Variants in FRK observed in about 807,000 individuals in gnomAD.
FRK encodes fyn related Src family tyrosine kinase, also known as tyrosine-protein kinase FRK.
A neutral mutation model predicts 56.4 loss-of-function variants in FRK; 51 were observed. That is an observed-to-expected ratio of 0.90 (90% CI 0.72 to 1.14). The LOEUF (loss-of-function observed/expected upper bound fraction) is 1.14. Among genes scored for constraint, FRK ranks in the 50% most tolerant of loss-of-function variants. The pLI is 0.00. For synonymous variants in FRK, 245 were observed against 217.9 expected, an observed-to-expected ratio of 1.12 and a Z score of -1.10; for missense variants, 570 against 601.4, an observed-to-expected ratio of 0.95 and a Z score of 0.55.
chr6:116,080,667 A>T, the FRK span, among the ~76,000 whole-genome samples: 1 of 152,230 alleles, frequency 6.6e-6, no homozygotes, highest in Non-Finnish European at 1.5e-5. Context: ...TAGAGAAAAA[A>T]GAAATAACCC....
At position 115,944,407 on chromosome 6, in the gene FRK, AT is replaced by A. The variant is rs1562248251; in HGVS notation, c.976del (p.Ile326SerfsTer3). 1.9e-6 allele frequency: 3 copies of A among 1,607,840 alleles called. No individual in the cohort carries two copies. Among genetic ancestry groups the A allele is most frequent in the Non-Finnish European group, 2.5e-6 (3 of 1,178,502 alleles). ...CATGTCTACCTGTTGAGTCAGATGG[AT>A]TTTTGATCCAGTGTCATCTAAGTAA... Reference protein sequence around the residue: ...EYLQNDTGSKIHLTQQVDMAA... With the variant: ...EYLQNDTGSKXHLTQQVDMAA... On this transcript the variant is annotated frameshift_variant, in exon 6 of 8. Transcript: ENST00000606080. LOFTEE classifies it high-confidence loss of function.
intron 1 of FRK, among the ~76,000 whole-genome samples, chr6:116,010,783 C>T (rs1313736653): frequency 6.6e-6 from 1 of 152,198 alleles, no homozygotes; most frequent in Non-Finnish European, 1.5e-5. Flanking sequence ...TGTCTCGACA[C>T]ATTCATGCTC....
At position 115,938,390 on chromosome 6, in the gene FRK, A is replaced by G. The variant is rs1480496483; in HGVS notation, c.*4024T>C. 2.0e-5 allele frequency: 3 copies of G among 152,254 alleles called. No homozygotes were observed. The highest frequency in any genetic ancestry group is 4.4e-5 in the Non-Finnish European group (3 of 68,060). The allele number at this position is 152,254 out of a possible 1,614,324, so 9.4% of individuals were successfully genotyped here. The stretch of plus-strand genomic sequence containing the variant: ...AGGAATCAGGAAAGAACTAAAATCT[A>G]TACCCTAATATCACAATTAAAAGTA... On this transcript the variant is annotated 3_prime_UTR_variant, in exon 8 of 8. Coordinates refer to ENST00000606080, the MANE Select transcript of FRK (RefSeq NM_002031.3).
In FRK at chr6:115,933,302, T is replaced by A. The variant is rs1771988479; in HGVS notation, c.*9112A>T. 6.6e-6 allele frequency: 1 copy of A among 152,146 alleles called. No individual in the cohort carries two copies. The highest frequency in any genetic ancestry group is 1.9e-4 in the East Asian group (1 of 5,204). The allele number at this position is 152,146 out of a possible 1,614,324, so 9.4% of individuals were successfully genotyped here. ...TATATGAAAAGTGCTTTGCTACAAT[T>A]TATGGGAGGTAAATTTAAGAAGAGC... On this transcript the variant is annotated 3_prime_UTR_variant, in exon 8 of 8. Transcript: ENST00000606080.
At chr6:115,982,269 C>T (rs1357927299) in intron 2 of FRK, among the ~76,000 whole-genome samples, 1 of 152,118 alleles carries the variant, frequency 6.6e-6, no homozygotes, top group East Asian at 1.9e-4. Context: ...ATACCATTAG[C>T]TCTCCCACTT....
the FRK span, among the ~76,000 whole-genome samples, chr6:116,073,763 T>G: frequency 1.3e-5 from 2 of 152,198 alleles, no homozygotes; most frequent in Non-Finnish European, 2.9e-5. Context: ...TGCTCATAAG[T>G]ATTAATCAAT....
intron 5 of FRK, among the ~76,000 whole-genome samples, chr6:115,950,509 C>T (rs962523297): frequency 6.6e-6 from 1 of 152,112 alleles, no homozygotes; most frequent in Admixed American, 6.6e-5. Context: ...ATTAAAAAGT[C>T]AGGAAACAAC....
chr6:116,086,681 G>A, the FRK span, among the ~76,000 whole-genome samples: 1 of 152,210 alleles, frequency 6.6e-6, no homozygotes. Context: ...CTAAGGACAT[G>A]GGATTCAGAG....
chr6:115,944,310 T>A lies in FRK; in HGVS notation c.1074A>T (p.Arg358Ser). The A allele has an allele frequency of 6.2e-7, 1 of 1,613,232 alleles. No homozygotes were observed. Among genetic ancestry groups the A allele is most frequent in the South Asian group, 1.1e-5 (1 of 91,042 alleles). Residue 358 changes from arginine to serine, a missense_variant, in exon 6 of 8, where the codon AGA becomes AGT. Physicochemically the swap from Arg to Ser is moderately radical, Grantham distance 110. Transcript: ENST00000606080. ...RNYIHRDLAA[R>S]NVLVGEHNIY... The stretch of plus-strand genomic sequence containing the variant: ...TATTATGTTCACCAACGAGGACATT[T>A]CTGGCAGCCAGATCTCTGTGAATGT...
chr6:116,078,032 T>A, the FRK span, among the ~76,000 whole-genome samples: 1 of 152,234 alleles, frequency 6.6e-6, no homozygotes, highest in African/African-American at 2.4e-5. Context: ...TGGTAGCAGG[T>A]GGCTGTAATC....
At chr6:116,057,405 G>C (rs1408110618) in intron 1 of FRK, among the ~76,000 whole-genome samples, 1 of 152,186 alleles carries the variant, frequency 6.6e-6, no homozygotes, top group African/African-American at 2.4e-5. Flanking sequence ...CACGCAGAAG[G>C]CTGTTCAGTA....
At chr6:115,951,358 GAAGT>G (rs1244585281) in intron 5 of FRK, among the ~76,000 whole-genome samples, 1 of 152,046 alleles carries the variant, frequency 6.6e-6, no homozygotes, top group African/African-American at 2.4e-5. Flanking sequence ...ACAACTATAT[GAAGT>G]AAGTATTGCA....
chr6:116,003,295 C>G (rs984944796), intron 2 of FRK, among the ~76,000 whole-genome samples: 1 of 152,098 alleles, frequency 6.6e-6, no homozygotes, highest in Non-Finnish European at 1.5e-5. Context: ...ATAGCTTTTT[C>G]AAAGCAAAGA....
rs997183953 is a variant in FRK at position 115,938,243 on chromosome 6, T to C, written c.*4171A>G. On this transcript the variant is annotated 3_prime_UTR_variant, in exon 8 of 8. Coordinates refer to ENST00000606080, the MANE Select transcript of FRK (RefSeq NM_002031.3). ...AATGACTACTGGGTAAATAATAAAA[T>C]TAAGGTAGAAATAAAGTTGTTCATT... 2.6e-5 allele frequency: 4 copies of C among 152,078 alleles called. No homozygotes were observed. The highest frequency in any genetic ancestry group is 7.2e-5 in the African/African-American group (3 of 41,414). The allele number at this position is 152,078 out of a possible 1,614,324, so 9.4% of individuals were successfully genotyped here.
rs1340711297 is a variant in FRK, at chr6:115,962,214, A to G, written c.799+5337T>C. Among the ~76,000 whole-genome samples the G allele has an allele frequency of 2.5e-4, 32 of 129,204 alleles. 1 individual carries two copies. Among genetic ancestry groups the G allele is most frequent in the African/African-American group, 8.7e-4 (29 of 33,404 alleles). 84.8% of individuals were successfully genotyped at this position (129,204 alleles called of 152,430 possible). A position where few individuals can be genotyped will look rare whatever the true frequency, so the allele number is the denominator to read the frequency against. ...GGATGGAGGAAGATCTACCAAGCCAATGGAAAACAAAAAAAGGCAGGGGTT... is the reference window on the plus strand; with the variant it reads ...GGATGGAGGAAGATCTACCAAGCCAGTGGAAAACAAAAAAAGGCAGGGGTT... On this transcript the variant is annotated intron_variant, in intron 4 of 7. Transcript: ENST00000606080.
At chr6:116,065,543 A>G (rs149079154), upstream of FRK, among the ~76,000 whole-genome samples, 2,136 of 152,286 alleles carry the variant, frequency 0.014, 30 homozygotes, top group Middle Eastern at 0.031. Flanking sequence ...CTTTTCCTAC[A>G]TTAACCATCT....
At chr6:116,002,025 T>A (rs374783770) in intron 2 of FRK, among the ~76,000 whole-genome samples, 2 of 152,204 alleles carry the variant, frequency 1.3e-5, no homozygotes, top group East Asian at 1.9e-4. Context: ...TACTTATAGG[T>A]CAAGAATTTT....
intron 5 of FRK, among the ~76,000 whole-genome samples, chr6:115,947,981 T>C (rs1016531413): frequency 6.6e-6 from 1 of 152,182 alleles, no homozygotes. Flanking sequence ...ATTCAAGCCC[T>C]TGTGAAAGCC....
At chr6:116,077,473 A>G in the FRK span, among the ~76,000 whole-genome samples, 3 of 152,270 alleles carry the variant, frequency 2.0e-5, no homozygotes, top group African/African-American at 4.8e-5. Context: ...CTCCCCACCC[A>G]ACTCATTCAA....
Sources: gnomAD v4.1 joint callset for allele counts (sites outside exome capture counted in the v4.1 genomes callset) on GRCh38, gnomAD v4.1.1 for gene constraint, MANE v1.5 for transcripts, NCBI Gene and HGNC (gene_info 2026-07-23, HGNC 2026-07-21) for gene names.